Variants in AGPAT3 observed in about 807,000 individuals in gnomAD.
The protein encoded by AGPAT3 is 1-acyl-sn-glycerol-3-phosphate acyltransferase gamma.
AGPAT3 carries 5 observed loss-of-function variants against 47.3 expected under a neutral mutation model. That is an observed-to-expected ratio of 0.11 (90% confidence interval 0.06 to 0.22). The LOEUF (loss-of-function observed/expected upper bound fraction) is 0.22, where lower values mean the gene tolerates loss of function less well. Among genes scored for constraint, AGPAT3 ranks in the 10% least tolerant of loss-of-function variants. The pLI is 1.00. For missense variants in AGPAT3, 315 were observed against 493.0 expected, an observed-to-expected ratio of 0.64 and a Z score of 3.42; for synonymous variants, 212 against 208.3, an observed-to-expected ratio of 1.02 and a Z score of -0.15.
chr21:43,882,516 G>C (rs954867456), intron 1 of AGPAT3: 4 of 152,232 alleles, frequency 2.6e-5, no homozygotes, highest in Non-Finnish European at 5.9e-5. Context: ...GTGTGTTATC[G>C]GAGGTTTCAT....
At position 43,971,391 on chromosome 21, in the gene AGPAT3, CA is replaced by C; in HGVS notation, c.669del (p.Ala224LeufsTer5). 6.2e-7 allele frequency: 1 copy of C among 1,614,114 alleles called. No individual in the cohort carries two copies. The highest frequency in any genetic ancestry group is 8.5e-7 in the Non-Finnish European group (1 of 1,179,924). The part of the protein sequence containing the change: ...TAVKCLRGTV[A>X]AVYDVTLNFR... ...ACCCTCCCGTCTCCTCCCACAGTCGCAGCTGTCTATGATGTAACCCTGAACT... is the reference window on the plus strand; with the variant it reads ...ACCCTCCCGTCTCCTCCCACAGTCGCGCTGTCTATGATGTAACCCTGAACT... On this transcript the variant is annotated frameshift_variant, in exon 7 of 10. Transcript: ENST00000291572. LOFTEE classifies it high-confidence loss of function.
At chr21:43,940,344 G>A (rs1394643753) in intron 2 of AGPAT3, among the ~76,000 whole-genome samples, 1 of 152,230 alleles carries the variant, frequency 6.6e-6, no homozygotes, top group South Asian at 2.1e-4. Flanking sequence ...GAGTGAGGCC[G>A]GGGCCCGGGG....
rs2088798215 is a variant in AGPAT3, at chr21:43,960,843, G to GA, written c.178+989dup. The GA allele has an allele frequency of 4.4e-6, 4 of 912,176 alleles. No individual in the cohort carries two copies. The South Asian group carries it at 1.5e-4, about 35-fold the overall frequency. The allele number at this position is 912,176 out of a possible 1,614,324, so 56.5% of individuals were successfully genotyped here. On this transcript the variant is annotated intron_variant, in intron 3 of 9. Coordinates refer to ENST00000291572, the MANE Select transcript of AGPAT3 (RefSeq NM_020132.5). ...TGTGTGTGTGGTGTGTACATGTGTG[G>GA]AAAAATCCCAGAAGGGGCTGGGCAT...
rs750590263 is a variant in AGPAT3 at position 43,930,457 on chromosome 21, C to T, written c.-49+26438C>T. ...CTCAGGGTTGCCCGTGCGACCTCAG[C>T]GTGGCCCATGGGACCTCGCTGTGGT... On this transcript the variant is annotated intron_variant, in intron 2 of 9. Transcript: ENST00000291572. This position sits in a 1 kb window ranked among gnomAD's most constrained non-coding sequence, Gnocchi z 5.0. Among the ~76,000 whole-genome samples the T allele has an allele frequency of 6.6e-6, 1 of 152,158 alleles. No individual in the cohort carries two copies. The highest frequency in any genetic ancestry group is 2.4e-5 in the African/African-American group (1 of 41,424).
intron 7 of AGPAT3, among the ~76,000 whole-genome samples, chr21:43,974,547 ATG>A (rs376097337): frequency 7.4e-5 from 11 of 148,904 alleles, no homozygotes; most frequent in East Asian, 4.0e-4. Flanking sequence ...TGTAAATTAT[ATG>A]TGTGTGGTGT....
intron 1 of AGPAT3, among the ~76,000 whole-genome samples, chr21:43,894,653 C>T (rs182088023): frequency 7.9e-5 from 12 of 152,158 alleles, no homozygotes; most frequent in East Asian, 1.9e-4. Flanking sequence ...CTATAAACAC[C>T]GGGTCTTATT....
At chr21:43,872,400 C>T (rs555950681) in intron 1 of AGPAT3, among the ~76,000 whole-genome samples, 12 of 152,192 alleles carry the variant, frequency 7.9e-5, no homozygotes, top group African/African-American at 1.9e-4. Context: ...AGGCTGGTCT[C>T]GAACTCCTGA....
In AGPAT3 at chr21:43,952,050, A is replaced by C. The variant is rs1438349207; in HGVS notation, c.-48-7584A>C. ...CTGCAGCGAAGGACCTGGGGCAGGCAGGGGGTGGGCTGGATGGCGGAACAC... is the reference window on the plus strand; with the variant it reads ...CTGCAGCGAAGGACCTGGGGCAGGCCGGGGGTGGGCTGGATGGCGGAACAC... On this transcript the variant is annotated intron_variant, in intron 2 of 9. Coordinates refer to ENST00000291572, the MANE Select transcript of AGPAT3 (RefSeq NM_020132.5). The surrounding 1 kb of genome is among the most constrained non-coding windows in gnomAD (Gnocchi z 5.6). Among the ~76,000 whole-genome samples, 1 of 151,926 alleles carries C rather than the reference A, an allele frequency of 6.6e-6. No homozygotes were observed. Among genetic ancestry groups the C allele is most frequent in the Non-Finnish European group, 1.5e-5 (1 of 67,960 alleles).
rs2085478159 is a variant in AGPAT3, at chr21:43,865,292, C to G, written c.-165C>G. 1.4e-5 allele frequency: 2 copies of G among 147,194 alleles called. No individual in the cohort carries two copies. Among genetic ancestry groups the G allele is most frequent in the South Asian group, 3.7e-4 (2 of 5,414 alleles). The allele number at this position is 147,194 out of a possible 1,614,324, so 9.1% of individuals were successfully genotyped here. On this transcript the variant is annotated 5_prime_UTR_variant, in exon 1 of 10. Transcript: ENST00000291572. ...AGGAGCGCGGCGGCCAGAGCGGGGC[C>G]GCGGAGGCGACGCCGGGGACGCCCG...
rs2088398803 is a variant in AGPAT3 at position 43,955,367 on chromosome 21, A to G, written c.-48-4267A>G. On this transcript the variant is annotated intron_variant, in intron 2 of 9. Coordinates refer to ENST00000291572, the MANE Select transcript of AGPAT3 (RefSeq NM_020132.5). The surrounding 1 kb of genome is among the most constrained non-coding windows in gnomAD (Gnocchi z 4.1). Reference sequence around the variant, plus strand: ...CAGGCGGCTTAGCTTGTCAACACCCATAACGCTATGCACGGACACTCGGCA... The same window carrying G: ...CAGGCGGCTTAGCTTGTCAACACCCGTAACGCTATGCACGGACACTCGGCA... The G allele has an allele frequency of 4.4e-6, 2 of 455,068 alleles. No homozygotes were observed. Among genetic ancestry groups the G allele is most frequent in the Non-Finnish European group, 3.3e-6 (1 of 307,164 alleles). The allele number at this position is 455,068 out of a possible 1,614,324, so 28.2% of individuals were successfully genotyped here.
chr21:43,869,024 A>G lies in AGPAT3; in HGVS notation c.-112+3679A>G, dbSNP rs1418537578. 2.0e-5 allele frequency among the ~76,000 whole-genome samples: 3 copies of G among 152,242 alleles called. 1 individual carries two copies. Among genetic ancestry groups the G allele is most frequent in the Non-Finnish European group, 4.4e-5 (3 of 68,042 alleles). ...ATCTACATTTCTGAAACGGAGACTA[A>G]GTCATTGGCTTCACATACACGTATT... On this transcript the variant is annotated intron_variant, in intron 1 of 9. Coordinates refer to ENST00000291572, the MANE Select transcript of AGPAT3 (RefSeq NM_020132.5).
At chr21:43,966,110 AG>A (rs1276906899) in intron 3 of AGPAT3, 1 of 152,230 alleles carries the variant, frequency 6.6e-6, no homozygotes, top group African/African-American at 2.4e-5. Flanking sequence ...GCGTCAGCCG[AG>A]GGGTCCTGAG....
chr21:43,888,068 T>G (rs774833006), intron 1 of AGPAT3, among the ~76,000 whole-genome samples: 7 of 152,184 alleles, frequency 4.6e-5, no homozygotes, highest in Admixed American at 2.6e-4. Flanking sequence ...TGAGACAGAG[T>G]CTCACTCTTT....
At chr21:43,924,644 C>T (rs1041945680) in intron 2 of AGPAT3, among the ~76,000 whole-genome samples, 4 of 152,246 alleles carry the variant, frequency 2.6e-5, no homozygotes, top group Non-Finnish European at 5.9e-5. Context: ...GCTCCGGCCC[C>T]GGCTTCTGTC....
At chr21:43,895,462 C>T (rs1004953830) in intron 1 of AGPAT3, among the ~76,000 whole-genome samples, 3 of 151,186 alleles carry the variant, frequency 2.0e-5, no homozygotes, top group Non-Finnish European at 4.4e-5. Flanking sequence ...GGTTGCCACT[C>T]CCCTTAGGAA....
rs1284008437 is a variant in AGPAT3, at chr21:43,930,190, C to T, written c.-49+26171C>T. On this transcript the variant is annotated intron_variant, in intron 2 of 9. Transcript: ENST00000291572. This position sits in a 1 kb window ranked among gnomAD's most constrained non-coding sequence, Gnocchi z 5.0. ...GTCTAAGGCAGAGAGAAGTTGGGTTCCCCTTCCACGGTTCCCTGCCCCCGG... is the reference window on the plus strand; with the variant it reads ...GTCTAAGGCAGAGAGAAGTTGGGTTTCCCTTCCACGGTTCCCTGCCCCCGG... 1.3e-5 allele frequency among the ~76,000 whole-genome samples: 2 copies of T among 152,192 alleles called. No homozygotes were observed. The highest frequency in any genetic ancestry group is 6.5e-5 in the Admixed American group (1 of 15,284).
chr21:43,966,924 T>C (rs1332757539), intron 3 of AGPAT3: 1 of 152,200 alleles, frequency 6.6e-6, no homozygotes, highest in Non-Finnish European at 1.5e-5. Context: ...CCCACCTGCT[T>C]GGCCTCCCTC....
intron 2 of AGPAT3, among the ~76,000 whole-genome samples, chr21:43,959,190 CGTGTGTGGT>C (rs550343599): frequency 5.7e-4 from 53 of 92,728 alleles, no homozygotes; most frequent in African/African-American, 2.1e-3. Flanking sequence ...GTGTGTGTGG[CGTGTGTGGT>C]GTGTGATGTG....
chr21:43,967,872 T>C, intron 3 of AGPAT3, 74 bp from the exon 4 acceptor site: 2 of 1,469,520 alleles, frequency 1.4e-6, no homozygotes, highest in Non-Finnish European at 1.8e-6. Flanking sequence ...ACTGTAGGTG[T>C]CTCCTGTGGG....
Sources: allele counts gnomAD v4.1 joint callset (sites outside exome capture counted in the v4.1 genomes callset), GRCh38; gene constraint gnomAD v4.1.1; non-coding constraint Gnocchi (gnomAD v3.1); transcripts MANE v1.5; gene names NCBI Gene and HGNC (gene_info 2026-07-23, HGNC 2026-07-21).